PML: variants seen among roughly 807,000 people sequenced by gnomAD.
PML encodes the protein protein PML.
Under a neutral mutation model 65.2 loss-of-function variants are expected in PML, and 28 were observed. The ratio of observed to expected loss-of-function variants is 0.43; its 90% CI spans 0.32 to 0.59. The LOEUF is 0.59. Among genes scored for constraint, PML ranks in the 20% least tolerant of loss-of-function variants. The pLI is 0.08. For missense variants in PML, 1,021 were observed against 1,203.4 expected, an observed-to-expected ratio of 0.85 and a Z score of 2.24; for synonymous variants, 500 against 508.8, an observed-to-expected ratio of 0.98 and a Z score of 0.23.
intron 5 of PML, 89 bp from the exon 6 acceptor site, chr15:74,033,067 G>C: frequency 7.0e-7 from 1 of 1,423,086 alleles, no homozygotes. Flanking sequence ...GGAGCAAAAG[G>C]GTGGCCACAA....
intron 2 of PML, among the ~76,000 whole-genome samples, chr15:74,017,883 C>T (rs920242401): frequency 2.6e-5 from 4 of 152,084 alleles, no homozygotes; most frequent in African/African-American, 4.8e-5. Context: ...GGCCTGAAAT[C>T]GCAGCACTTT....
chr15:73,996,667 C>G (rs1480528022), intron 1 of PML, among the ~76,000 whole-genome samples: 1 of 152,128 alleles, frequency 6.6e-6, no homozygotes, highest in Non-Finnish European at 1.5e-5. Context: ...AGAGCTATTC[C>G]TGTATCAGCA....
In PML at chr15:74,035,031, C is replaced by T; in HGVS notation, c.1710+501C>T. On this transcript the variant is annotated intron_variant, in intron 7 of 8. Transcript: ENST00000268058. The surrounding 1 kb of genome is among the most constrained non-coding windows in gnomAD (Gnocchi z 4.1). ...ACAGGTGGCCTCGTGGGTAGTGACC[C>T]TTCTGTCCCTAGAGGTTTATTACTA... 2.0e-6 allele frequency: 3 copies of T among 1,489,244 alleles called. No individual in the cohort carries two copies. The highest frequency in any genetic ancestry group is 2.8e-6 in the Non-Finnish European group (3 of 1,085,062). 92.3% of individuals were successfully genotyped at this position (1,489,244 alleles called of 1,614,324 possible). A position where few individuals can be genotyped will look rare whatever the true frequency, so the allele number is the denominator to read the frequency against.
chr15:74,023,289 C>A lies in PML; in HGVS notation c.1064C>A (p.Ala355Glu). The stretch of plus-strand genomic sequence containing the variant: ...GACATGCACGGTTTCCTGCGCCAGG[C>A]GCTCTGCCGCCTGCGCCAGGAGGAG... ...VLDMHGFLRQ[A>E]LCRLRQEEPQ... The change falls in exon 3 of 9, where the codon GCG (alanine) becomes GAG (glutamate). Residue 355 changes from alanine to glutamate, a missense_variant. Coordinates refer to ENST00000268058, the MANE Select transcript of PML (RefSeq NM_033238.3). 1 of 1,609,790 alleles carries A rather than the reference C, an allele frequency of 6.2e-7. No homozygotes were observed. The highest frequency in any genetic ancestry group is 8.5e-7 in the Non-Finnish European group (1 of 1,179,554).
In PML at chr15:74,045,922, C is replaced by G. The variant is rs1310544188; in HGVS notation, c.*914C>G. ...TGGGGCCCAGCAGTCTGTGTTTTAA[C>G]AGGTTCTCCCGGTGATGCTGGTGCA... On this transcript the variant is annotated 3_prime_UTR_variant, in exon 9 of 9. Transcript: ENST00000268058. 8.6e-6 allele frequency: 2 copies of G among 232,248 alleles called. No individual in the cohort carries two copies. The highest frequency in any genetic ancestry group is 1.7e-5 in the Non-Finnish European group (2 of 117,476). The allele number at this position is 232,248 out of a possible 1,614,324, so 14.4% of individuals were successfully genotyped here. A position where few individuals can be genotyped will look rare whatever the true frequency, so the allele number is the denominator to read the frequency against.
rs1024367746 is a variant in PML, at chr15:74,043,949, G to A, written c.1862-272G>A. ...GGAGGGACCTGTATCCATGGGGTTT[G>A]GCCAACTCTGGGGCCGGTAGTGGAG... On this transcript the variant is annotated intron_variant, in intron 8 of 8. Coordinates refer to ENST00000268058, the MANE Select transcript of PML (RefSeq NM_033238.3). The surrounding 1 kb of genome is among the most constrained non-coding windows in gnomAD (Gnocchi z 4.3). Among the ~76,000 whole-genome samples the A allele has an allele frequency of 1.3e-5, 2 of 152,142 alleles. No individual in the cohort carries two copies. Among genetic ancestry groups the A allele is most frequent in the Non-Finnish European group, 2.9e-5 (2 of 68,010 alleles).
chr15:74,033,278 G>A lies in PML; in HGVS notation c.1521G>A (p.Glu507=), dbSNP rs1247916432. The A allele has an allele frequency of 1.2e-6, 2 of 1,614,228 alleles. No individual in the cohort carries two copies. The highest frequency in any genetic ancestry group is 2.2e-5 in the South Asian group (2 of 91,086). ...CAAGGTTGGCTCGGAGCTCCCCGGAGCAGCCCAGGCCCAGCACCTCCAAGG... is the reference window on the plus strand; with the variant it reads ...CAAGGTTGGCTCGGAGCTCCCCGGAACAGCCCAGGCCCAGCACCTCCAAGG... ...KEARLARSSP[E]QPRPSTSKAV... Residue 507 remains glutamate (E), a synonymous_variant, in exon 6 of 9, where the codon GAG becomes GAA. Transcript: ENST00000268058.
At position 74,037,522 on chromosome 15, in the gene PML, G is replaced by A. The variant is rs773449862; in HGVS notation, c.1710+2992G>A. 6.6e-5 allele frequency: 65 copies of A among 985,198 alleles called. No homozygotes were observed. The highest frequency in any genetic ancestry group is 7.7e-5 in the Non-Finnish European group (64 of 829,920). 61.0% of individuals were successfully genotyped at this position (985,198 alleles called of 1,614,324 possible). A position where few individuals can be genotyped will look rare whatever the true frequency, so the allele number is the denominator to read the frequency against. ...AAAACTCCACCCACTTCTCTCTCCA[G>A]CTGTCGGCTCCCCTTCCTCTGCTCT... On this transcript the variant is annotated intron_variant, in intron 7 of 8. Coordinates refer to ENST00000268058, the MANE Select transcript of PML (RefSeq NM_033238.3). The surrounding 1 kb of genome is among the most constrained non-coding windows in gnomAD (Gnocchi z 4.2).
rs965519573 is a variant in PML, at chr15:74,045,357, T to A, written c.*349T>A. On this transcript the variant is annotated 3_prime_UTR_variant, in exon 9 of 9. Coordinates refer to ENST00000268058, the MANE Select transcript of PML (RefSeq NM_033238.3). ...ATCCCACCTGCCACTACCTTGGGTG[T>A]CCTTACAGCTCTGCCCTGACCCCAG... is the stretch of plus-strand genomic sequence containing the variant. 5.7e-6 allele frequency: 2 copies of A among 349,786 alleles called. 1 individual carries two copies. The highest frequency in any genetic ancestry group is 1.0e-5 in the Non-Finnish European group (2 of 190,762). The allele number at this position is 349,786 out of a possible 1,614,324, so 21.7% of individuals were successfully genotyped here.
In PML at chr15:74,009,796, A is replaced by G. The variant is rs564588132; in HGVS notation, c.602+11320A>G. Among the ~76,000 whole-genome samples the G allele has an allele frequency of 3.3e-5, 5 of 152,148 alleles. No individual in the cohort carries two copies. In the South Asian group the frequency reaches 1.0e-3, roughly 32 times the overall value. ...GGTTGGTCTCGAACTCCTGGGCTCCACCCACCTCGGCTTCTCAAAGTGCTG... is the reference window on the plus strand; with the variant it reads ...GGTTGGTCTCGAACTCCTGGGCTCCGCCCACCTCGGCTTCTCAAAGTGCTG... On this transcript the variant is annotated intron_variant, in intron 2 of 8. Coordinates refer to ENST00000268058, the MANE Select transcript of PML (RefSeq NM_033238.3).
rs963945099 is a variant in PML at position 74,032,631 on chromosome 15, G to A, written c.1314G>A (p.Gln438=). 2 of 1,613,988 alleles carry A rather than the reference G, an allele frequency of 1.2e-6. No individual in the cohort carries two copies. The highest frequency in any genetic ancestry group is 1.1e-5 in the South Asian group (1 of 91,096). The change falls in exon 5 of 9, where the codon CAG becomes CAA. Residue 438 remains glutamine (Q), a synonymous_variant. Transcript: ENST00000268058. ...AGGCCCTGGGGCTGGCTGAAGCCCA[G>A]CCTATGGCTGTGGTACAGTCAGTGC... is the stretch of plus-strand genomic sequence containing the variant. ...QVQALGLAEA[Q]PMAVVQSVPG...
chr15:73,997,868 G>A, intron 1 of PML, 136 bp from the exon 2 acceptor site: 1 of 761,878 alleles, frequency 1.3e-6, no homozygotes, highest in Non-Finnish European at 2.3e-6. Flanking sequence ...TGATAAGCCA[G>A]GGTTTTGCAT....
intron 2 of PML, among the ~76,000 whole-genome samples, chr15:74,009,379 A>G (rs1479466331): frequency 6.6e-6 from 1 of 151,938 alleles, no homozygotes; most frequent in East Asian, 1.9e-4. Context: ...TTTATTGGGG[A>G]TTGATATTAT....
rs143814349 is a variant in PML at position 74,044,630 on chromosome 15, C to T, written c.2271C>T (p.Leu757=). ...CCATGCGTGACCTGTGCCGCCTCCTCGAGGTCTCCCCGGGCCCCCAGCTGG... is the reference window on the plus strand; with the variant it reads ...CCATGCGTGACCTGTGCCGCCTCCTTGAGGTCTCCCCGGGCCCCCAGCTGG... ...VLAMRDLCRL[L]EVSPGPQLAQ... Residue 757 remains leucine, a synonymous_variant, in exon 9 of 9, where the codon CTC becomes CTT. Coordinates refer to ENST00000268058, the MANE Select transcript of PML (RefSeq NM_033238.3). The T allele has an allele frequency of 1.7e-5, 28 of 1,606,094 alleles. No homozygotes were observed. The African/African-American group carries it at 3.5e-4, about 20-fold the overall frequency.
Position 74,035,191 on chromosome 15 carries a change from C to A in PML, c.1710+661C>A, listed in dbSNP as rs1234934684. The A allele has an allele frequency of 4.3e-6, 6 of 1,389,694 alleles. No homozygotes were observed. In the African/African-American group the frequency reaches 8.5e-5, roughly 20 times the overall value. The allele number at this position is 1,389,694 out of a possible 1,614,324, so 86.1% of individuals were successfully genotyped here. A position where few individuals can be genotyped will look rare whatever the true frequency, so the allele number is the denominator to read the frequency against. The stretch of plus-strand genomic sequence containing the variant: ...GGAAAGTGCATGGAGCCCATGGAGA[C>A]CGCCGAGCCACAGTCCTCGCCAGCC... On this transcript the variant is annotated intron_variant, in intron 7 of 8. Coordinates refer to ENST00000268058, the MANE Select transcript of PML (RefSeq NM_033238.3). The surrounding 1 kb of genome is among the most constrained non-coding windows in gnomAD (Gnocchi z 4.1).
At position 74,023,204 on chromosome 15, in the gene PML, C is replaced by G; in HGVS notation, c.979C>G (p.Arg327Gly). The G allele has an allele frequency of 6.2e-7, 1 of 1,608,882 alleles. No individual in the cohort carries two copies. Among genetic ancestry groups the G allele is most frequent in the Non-Finnish European group, 8.5e-7 (1 of 1,178,186 alleles). ...CCTGGATGCTGTGCTGCAGCGCATC[C>G]GCACGGGCAGCGCGCTGGTGCAGAG... ...GRLDAVLQRI[R>G]TGSALVQRMK... Residue 327 changes from arginine (R) to glycine (G), a missense_variant, in exon 3 of 9, where the codon CGC becomes GGC. Physicochemically the swap from Arg to Gly is moderately radical, Grantham distance 125. Transcript: ENST00000268058.
chr15:74,031,823 C>T (rs1277859705), intron 4 of PML, among the ~76,000 whole-genome samples: 2 of 152,218 alleles, frequency 1.3e-5, no homozygotes, highest in East Asian at 3.8e-4. Context: ...TTATCATCAT[C>T]AATGACATTT....
At position 74,035,756 on chromosome 15, in the gene PML, C is replaced by G; in HGVS notation, c.1710+1226C>G. ...TGGCTTCCCAGCTTGACATGTCTTC[C>G]GTGGTGGGGGCAGGGGAAAGCAGAG... On this transcript the variant is annotated intron_variant, in intron 7 of 8. Transcript: ENST00000268058. This position sits in a 1 kb window ranked among gnomAD's most constrained non-coding sequence, Gnocchi z 4.1. 6.2e-7 allele frequency: 1 copy of G among 1,614,180 alleles called. No individual in the cohort carries two copies. Among genetic ancestry groups the G allele is most frequent in the South Asian group, 1.1e-5 (1 of 91,086 alleles).
At position 74,030,979 on chromosome 15, in the gene PML, A is replaced by T. The variant is rs1417616920; in HGVS notation, c.1255-1593A>T. Among the ~76,000 whole-genome samples the T allele has an allele frequency of 5.3e-5, 8 of 151,898 alleles. No individual in the cohort carries two copies. The East Asian group carries it at 1.5e-3, about 29-fold the overall frequency. On this transcript the variant is annotated intron_variant, in intron 4 of 8. Transcript: ENST00000268058. The stretch of plus-strand genomic sequence containing the variant: ...ATTTTTTTCTTTTTAATTTTCAGAG[A>T]TGAGGTCTTGCTATGTTGCCTAGGT...
Sources: gnomAD v4.1 joint callset for allele counts (sites outside exome capture counted in the v4.1 genomes callset) on GRCh38, gnomAD v4.1.1 for gene constraint, Gnocchi (gnomAD v3.1) non-coding constraint, MANE v1.5 for transcripts, NCBI Gene and HGNC (gene_info 2026-07-23, HGNC 2026-07-21) for gene names.